Variants in GALNTL6 observed in about 807,000 individuals in gnomAD.
GALNTL6 encodes polypeptide N-acetylgalactosaminyltransferase-like 6.
Under a neutral mutation model 73.7 loss-of-function variants are expected in GALNTL6, and 46 were observed. That is an observed-to-expected ratio of 0.62 (90% CI 0.49 to 0.80). GALNTL6 has a LOEUF of 0.80. Ranked by LOEUF, GALNTL6 falls within the 30% of genes least tolerant of loss-of-function variation. The pLI is 0.00. For missense variants in GALNTL6, 604 were observed against 755.0 expected (o/e 0.80, Z 2.34); for synonymous variants, 259 against 263.7 (o/e 0.98, Z 0.17).
At chr4:172,211,293 C>T (rs1230338117) in intron 2 of GALNTL6, among the ~76,000 whole-genome samples, 1 of 152,132 alleles carries the variant, frequency 6.6e-6, no homozygotes, top group Admixed American at 6.5e-5. Flanking sequence ...TCTGGGATGT[C>T]CTTGCCCCTA....
intron 5 of GALNTL6, among the ~76,000 whole-genome samples, chr4:172,456,764 T>C (rs1309274437): frequency 6.6e-6 from 1 of 152,050 alleles, no homozygotes; most frequent in Non-Finnish European, 1.5e-5. Flanking sequence ...TGGAACCAAG[T>C]TGGAAAACAC....
intron 2 of GALNTL6, among the ~76,000 whole-genome samples, chr4:172,012,129 G>T (rs1210306109): frequency 6.6e-6 from 1 of 151,992 alleles, no homozygotes; most frequent in Non-Finnish European, 1.5e-5. Context: ...CGCATTTAGG[G>T]CCATAAAGGC....
chr4:172,973,880 C>T (rs1008094146), intron 10 of GALNTL6, among the ~76,000 whole-genome samples: 2 of 152,124 alleles, frequency 1.3e-5, no homozygotes, highest in Non-Finnish European at 2.9e-5. Flanking sequence ...GACTTCGAAA[C>T]GCTCCAGTAA....
chr4:171,988,496 A>T (rs1040803838), intron 2 of GALNTL6, among the ~76,000 whole-genome samples: 2 of 152,166 alleles, frequency 1.3e-5, no homozygotes, highest in Non-Finnish European at 2.9e-5. Flanking sequence ...GCAAAGGAAT[A>T]GTAAAGAAAG....
intron 5 of GALNTL6, among the ~76,000 whole-genome samples, chr4:172,729,762 G>T (rs752532050): frequency 2.6e-5 from 4 of 152,036 alleles, no homozygotes; most frequent in African/African-American, 9.7e-5. Flanking sequence ...TTCTATTTCT[G>T]TGCAGAATGT....
At chr4:172,378,708 A>C (rs1335115210) in intron 5 of GALNTL6, among the ~76,000 whole-genome samples, 1 of 152,070 alleles carries the variant, frequency 6.6e-6, no homozygotes, top group African/African-American at 2.4e-5. Flanking sequence ...ATAAATTATT[A>C]ATAATATACA....
intron 4 of GALNTL6, among the ~76,000 whole-genome samples, chr4:172,328,519 G>T (rs1257615878): frequency 1.3e-5 from 2 of 152,106 alleles, no homozygotes; most frequent in Non-Finnish European, 2.9e-5. Flanking sequence ...TCCCTTTCAA[G>T]GAGGCCAGTG....
intron 2 of GALNTL6, among the ~76,000 whole-genome samples, chr4:171,930,841 A>G (rs1738162662): frequency 6.6e-6 from 1 of 152,158 alleles, no homozygotes; most frequent in Non-Finnish European, 1.5e-5. Context: ...TCTCAAAACA[A>G]ACAAGCAAAC....
Position 171,926,814 on chromosome 4 carries a change from C to G in GALNTL6, c.138+112096C>G, listed in dbSNP as rs1737997667. On this transcript the variant is annotated intron_variant, in intron 2 of 12. Coordinates refer to ENST00000506823, the MANE Select transcript of GALNTL6 (RefSeq NM_001034845.3). ...TTCTGTTGAGATATATGTTTTCCTTCCTGATTAGCAAATTATTTTTATTTT... is the reference window on the plus strand; with the variant it reads ...TTCTGTTGAGATATATGTTTTCCTTGCTGATTAGCAAATTATTTTTATTTT... 2.6e-5 allele frequency among the ~76,000 whole-genome samples: 4 copies of G among 152,040 alleles called. No individual in the cohort carries two copies. The East Asian group carries it at 7.7e-4, about 29-fold the overall frequency.
intron 2 of GALNTL6, among the ~76,000 whole-genome samples, chr4:172,003,162 T>C (rs1209249858): frequency 1.3e-5 from 2 of 152,138 alleles, no homozygotes; most frequent in Non-Finnish European, 2.9e-5. Flanking sequence ...TTACATATCG[T>C]TTGCTTGAAT....
At chr4:172,034,295 C>T (rs998313115) in intron 2 of GALNTL6, among the ~76,000 whole-genome samples, 1 of 151,832 alleles carries the variant, frequency 6.6e-6, no homozygotes, top group Non-Finnish European at 1.5e-5. Flanking sequence ...CTGGCCATAG[C>T]TGGGATTTCC....
intron 5 of GALNTL6, among the ~76,000 whole-genome samples, chr4:172,607,422 A>G (rs1738348349): frequency 6.7e-6 from 1 of 150,138 alleles, no homozygotes; most frequent in Non-Finnish European, 1.5e-5. Context: ...GTGTTAGTTC[A>G]CTTAGGATGA....
intron 5 of GALNTL6, among the ~76,000 whole-genome samples, chr4:172,789,591 G>C (rs1175695531): frequency 1.3e-5 from 2 of 152,120 alleles, no homozygotes; most frequent in Non-Finnish European, 2.9e-5. Flanking sequence ...GTGAGGGAAG[G>C]GGTGTAGAAC....
At chr4:171,856,164 G>A (rs770455986) in intron 2 of GALNTL6, among the ~76,000 whole-genome samples, 2 of 152,088 alleles carry the variant, frequency 1.3e-5, no homozygotes, top group Non-Finnish European at 2.9e-5. Flanking sequence ...GTGCAGTGGC[G>A]AGATCTTGGC....
chr4:172,182,620 G>A (rs1023968220), intron 2 of GALNTL6, among the ~76,000 whole-genome samples: 24 of 149,436 alleles, frequency 1.6e-4, no homozygotes, highest in Non-Finnish European at 3.1e-4. Context: ...TCCCCTGAGG[G>A]AATATCCATC....
chr4:172,405,439 ATATATTTTTTTTTTTTT>A (rs1173308057), intron 5 of GALNTL6, among the ~76,000 whole-genome samples: 71 of 2,074 alleles, frequency 0.034, no homozygotes, highest in African/African-American at 0.1. Context: ...ATATATATAT[ATATATTTTTTTTTTTTT>A]TTTTTTTTTT....
At chr4:172,316,883 A>G (rs1740577523) in intron 4 of GALNTL6, among the ~76,000 whole-genome samples, 1 of 152,232 alleles carries the variant, frequency 6.6e-6, no homozygotes, top group Non-Finnish European at 1.5e-5. Flanking sequence ...GGATGGCAGA[A>G]TAAGATGACT....
At chr4:172,851,367 A>G (rs1231400891) in intron 7 of GALNTL6, among the ~76,000 whole-genome samples, 4 of 151,990 alleles carry the variant, frequency 2.6e-5, no homozygotes, top group Non-Finnish European at 5.9e-5. Context: ...GCCAAAAATC[A>G]GGGGCAGATT....
At chr4:172,472,660 A>C (rs561882466) in intron 5 of GALNTL6, among the ~76,000 whole-genome samples, 1 of 152,244 alleles carries the variant, frequency 6.6e-6, no homozygotes, top group East Asian at 1.9e-4. Context: ...CACAGGAAGG[A>C]AGAGAAGACT....
Sources: gnomAD v4.1 joint callset for allele counts (sites outside exome capture counted in the v4.1 genomes callset) on GRCh38, gnomAD v4.1.1 for gene constraint, MANE v1.5 for transcripts, NCBI Gene and HGNC (gene_info 2026-07-23, HGNC 2026-07-21) for gene names.